The following AK3 variants were observed in gnomAD, a reference collection of about 807,000 sequenced individuals.
AK3 encodes the protein adenylate kinase 3.
Under a neutral mutation model 23.7 loss-of-function variants are expected in AK3, and 27 were observed. That is an observed-to-expected ratio of 1.14 (90% confidence interval 0.84 to 1.57). AK3 has a LOEUF of 1.57. Ranked by LOEUF, AK3 falls within the 40% of genes most tolerant of loss-of-function variation. The probability of loss-of-function intolerance (pLI) is 0.00; values close to 1 mark genes in which losing one functional copy is unlikely to be tolerated. For missense variants in AK3, 406 were observed against 285.6 expected, an observed-to-expected ratio of 1.42 and a Z score of -3.04; for synonymous variants, 159 against 116.0, an observed-to-expected ratio of 1.37 and a Z score of -2.38.
At chr9:4,731,949 C>G (rs1842163914) in intron 1 of AK3, among the ~76,000 whole-genome samples, 1 of 152,034 alleles carries the variant, frequency 6.6e-6, no homozygotes, top group Admixed American at 6.6e-5. Context: ...ATTTTCTTTT[C>G]TTATGATTTT....
chr9:4,740,906 G>T (rs773163326), intron 1 of AK3, 31 bp downstream of exon 1: 8 of 1,493,312 alleles, frequency 5.4e-6, no homozygotes, highest in Non-Finnish European at 7.2e-6. Flanking sequence ...GGGTGACAGC[G>T]CACGGCCGGC....
intron 1 of AK3, among the ~76,000 whole-genome samples, chr9:4,735,372 AAT>A (rs71326128): frequency 1.7e-4 from 7 of 40,710 alleles, no homozygotes; most frequent in African/African-American, 6.8e-4. Flanking sequence ...TACATATATA[AAT>A]ATATATACAT....
At chr9:4,725,493 G>C (rs1238442423) in intron 1 of AK3, among the ~76,000 whole-genome samples, 1 of 152,046 alleles carries the variant, frequency 6.6e-6, no homozygotes, top group Non-Finnish European at 1.5e-5. Context: ...GTGAGGCCGG[G>C]TGCAGTGGCT....
At chr9:4,721,263 T>A (rs1841887705) in intron 2 of AK3, among the ~76,000 whole-genome samples, 1 of 151,624 alleles carries the variant, frequency 6.6e-6, no homozygotes, top group Non-Finnish European at 1.5e-5. Flanking sequence ...ATTAGCCACG[T>A]GTGCTGGTGG....
At chr9:4,728,760 C>G (rs1481023175) in intron 1 of AK3, among the ~76,000 whole-genome samples, 1 of 149,186 alleles carries the variant, frequency 6.7e-6, no homozygotes, top group Non-Finnish European at 1.5e-5. Flanking sequence ...CTTTGGGAGG[C>G]CAAGGAAGGA....
At chr9:4,739,825 G>A (rs1388849930) in intron 1 of AK3, among the ~76,000 whole-genome samples, 10 of 151,988 alleles carry the variant, frequency 6.6e-5, no homozygotes, top group Non-Finnish European at 1.0e-4. Flanking sequence ...CAGCTACTAG[G>A]GAGGCTGAGA....
At position 4,711,337 on chromosome 9, in the gene AK3, T is replaced by C. The variant is rs1310686485; in HGVS notation, c.*1639A>G. On this transcript the variant is annotated 3_prime_UTR_variant, in exon 5 of 5. Coordinates refer to ENST00000381809, the MANE Select transcript of AK3 (RefSeq NM_016282.4). Reference sequence around the variant, plus strand: ...TATATGCTTGATAACCTAGTGATAATCCATAAGTTTGGTATTTCACAACAT... The same window carrying C: ...TATATGCTTGATAACCTAGTGATAACCCATAAGTTTGGTATTTCACAACAT... 6.6e-6 allele frequency: 1 copy of C among 152,020 alleles called. No individual in the cohort carries two copies. The highest frequency in any genetic ancestry group is 1.5e-5 in the Non-Finnish European group (1 of 67,816). The allele number at this position is 152,020 out of a possible 1,614,324, so 9.4% of individuals were successfully genotyped here. A position where few individuals can be genotyped will look rare whatever the true frequency, so the allele number is the denominator to read the frequency against.
intron 1 of AK3, among the ~76,000 whole-genome samples, chr9:4,735,002 G>A (rs1297229186): frequency 2.0e-5 from 3 of 151,946 alleles, no homozygotes; most frequent in Admixed American, 6.6e-5. Context: ...CAGGTGGAGG[G>A]GTGTGGGGTA....
chr9:4,735,397 A>G (rs1295990295), intron 1 of AK3, among the ~76,000 whole-genome samples: 1 of 122,772 alleles, frequency 8.1e-6, no homozygotes, highest in Non-Finnish European at 1.7e-5. Context: ...ATAAATATAT[A>G]TACATATATA....
chr9:4,723,069 TCAAAAA>T (rs140150285), intron 1 of AK3, among the ~76,000 whole-genome samples: 11 of 152,082 alleles, frequency 7.2e-5, no homozygotes, highest in African/African-American at 1.5e-4. Context: ...AGACTCCGTC[TCAAAAA>T]CAAAAACAAA....
intron 2 of AK3, 144 bp downstream of exon 2, chr9:4,722,359 GAGA>G: frequency 8.9e-7 from 1 of 1,121,536 alleles, no homozygotes; most frequent in Non-Finnish European, 1.2e-6. Context: ...ACTGGTCCCA[GAGA>G]AGATGACTGG....
At chr9:4,717,476 C>T (rs1008657981) in intron 4 of AK3, among the ~76,000 whole-genome samples, 1 of 152,230 alleles carries the variant, frequency 6.6e-6, no homozygotes, top group Non-Finnish European at 1.5e-5. Flanking sequence ...GATTCTTCCA[C>T]ACCATAGCAT....
rs574885996 is a variant in AK3, at chr9:4,730,862, T to G, written c.152-8237A>C. Among the ~76,000 whole-genome samples, 376 of 152,310 alleles carry G rather than the reference T, an allele frequency of 2.5e-3. 1 individual carries two copies. The highest frequency in any genetic ancestry group is 0.014 in the Middle Eastern group (4 of 294). ...AAATATATTATCTTGTATATAGTTA[T>G]TGTGAAAAAAATCTATTTTTAAATT... On this transcript the variant is annotated intron_variant, in intron 1 of 4. Coordinates refer to ENST00000381809, the MANE Select transcript of AK3 (RefSeq NM_016282.4).
chr9:4,721,728 G>C (rs557075302), intron 2 of AK3, among the ~76,000 whole-genome samples: 1 of 152,236 alleles, frequency 6.6e-6, no homozygotes, highest in African/African-American at 2.4e-5. Context: ...CAAAGTGCTG[G>C]AATTAAAGGC....
At chr9:4,714,772 T>TAAA (rs1318046510) in intron 4 of AK3, among the ~76,000 whole-genome samples, 3 of 152,184 alleles carry the variant, frequency 2.0e-5, no homozygotes, top group Non-Finnish European at 4.4e-5. Context: ...CTCTATAATG[T>TAAA]CCCACAGCTA....
chr9:4,729,103 C>T (rs1316559414), intron 1 of AK3, among the ~76,000 whole-genome samples: 8 of 150,534 alleles, frequency 5.3e-5, no homozygotes, highest in South Asian at 2.1e-4. Context: ...CTCTGCCTCC[C>T]GGGTTCAAGC....
At position 4,728,998 on chromosome 9, in the gene AK3, C is replaced by CAT. The variant is rs1554627053; in HGVS notation, c.152-6375_152-6374dup. On this transcript the variant is annotated intron_variant, in intron 1 of 4. Coordinates refer to ENST00000381809, the MANE Select transcript of AK3 (RefSeq NM_016282.4). The stretch of plus-strand genomic sequence containing the variant: ...ACCTACATATATATACACACACACA[C>CAT]ATATATATATATATATATTTTTTTT... Among the ~76,000 whole-genome samples the CAT allele has an allele frequency of 2.0e-3, 183 of 91,346 alleles. 2 individuals are homozygous for CAT. Among genetic ancestry groups the CAT allele is most frequent in the Admixed American group, 3.9e-3 (38 of 9,796 alleles). The allele number at this position is 91,346 out of a possible 152,430, so 59.9% of individuals were successfully genotyped here. A position where few individuals can be genotyped will look rare whatever the true frequency, so the allele number is the denominator to read the frequency against.
At chr9:4,730,648 T>C (rs1379521545) in intron 1 of AK3, among the ~76,000 whole-genome samples, 1 of 152,120 alleles carries the variant, frequency 6.6e-6, no homozygotes, top group African/African-American at 2.4e-5. Context: ...TGAGTTTTGT[T>C]TATATATAGA....
chr9:4,737,805 G>T (rs142034179), intron 1 of AK3, among the ~76,000 whole-genome samples: 253 of 152,330 alleles, frequency 1.7e-3, no homozygotes, highest in African/African-American at 5.8e-3. Context: ...TTTCAGTGAT[G>T]ACCTACAGTT....
Sources: allele counts gnomAD v4.1 joint callset (sites outside exome capture counted in the v4.1 genomes callset), GRCh38; gene constraint gnomAD v4.1.1; transcripts MANE v1.5; gene names NCBI Gene and HGNC (gene_info 2026-07-23, HGNC 2026-07-21).